Variants in ZYG11B observed in about 807,000 individuals in gnomAD.
The protein encoded by ZYG11B is zyg-11 family member B, cell cycle regulator.
ZYG11B carries 36 observed loss-of-function variants against 82.4 expected under a neutral mutation model. That is an observed-to-expected ratio of 0.44 (90% CI 0.33 to 0.58). The LOEUF (loss-of-function observed/expected upper bound fraction) is 0.58, where lower values mean the gene tolerates loss of function less well. ZYG11B is among the 20% of genes least tolerant of loss of function. ZYG11B has a pLI of 0.02. For synonymous variants in ZYG11B, 303 were observed against 312.8 expected (o/e 0.97, Z 0.33); for missense variants, 552 against 895.6 (o/e 0.62, Z 4.90).
chr1:52,744,282 T>C (rs1035535893), intron 1 of ZYG11B, among the ~76,000 whole-genome samples: 1 of 152,204 alleles, frequency 6.6e-6, no homozygotes, highest in Non-Finnish European at 1.5e-5. Context: ...CTTAACATTT[T>C]GTTACAGTTG....
At chr1:52,772,608 G>A (rs1052998394) in intron 3 of ZYG11B, 44 of 1,255,496 alleles carry the variant, frequency 3.5e-5, no homozygotes, top group Middle Eastern at 1.9e-4. Context: ...GGGTAAAGCC[G>A]ACTGGGACAG....
rs2149971711 is a variant in ZYG11B, at chr1:52,825,299, G to A, written c.*3670G>A. On this transcript the variant is annotated 3_prime_UTR_variant, in exon 14 of 14. Transcript: ENST00000294353. ...ATAAATCAAGTGGTATAAGGGATTA[G>A]TTTACCCTCAAGCCGATGACTCCAT... 1 of 152,156 alleles carries A rather than the reference G, an allele frequency of 6.6e-6. No individual in the cohort carries two copies. The highest frequency in any genetic ancestry group is 2.4e-5 in the African/African-American group (1 of 41,506). 9.4% of individuals were successfully genotyped at this position (152,156 alleles called of 1,614,324 possible). A position where few individuals can be genotyped will look rare whatever the true frequency, so the allele number is the denominator to read the frequency against.
chr1:52,796,984 ATAT>A (rs1199742596), intron 8 of ZYG11B, among the ~76,000 whole-genome samples, 200 bp downstream of exon 8: 3 of 63,488 alleles, frequency 4.7e-5, no homozygotes, highest in Middle Eastern at 5.6e-3. Flanking sequence ...ATAAATATAT[ATAT>A]TTTTTATATA....
chr1:52,770,072 CTATATATA>C (rs781732048), intron 2 of ZYG11B, among the ~76,000 whole-genome samples: 5 of 113,044 alleles, frequency 4.4e-5, no homozygotes, highest in African/African-American at 1.6e-4. Context: ...GCTGTAACTA[CTATATATA>C]TATATATATA....
At chr1:52,774,293 A>G (rs111887384) in intron 3 of ZYG11B, among the ~76,000 whole-genome samples, 11,183 of 144,874 alleles carry the variant, frequency 0.077, 529 homozygotes, top group East Asian at 0.11. Flanking sequence ...AGCATGTGCC[A>G]CCATAACTGG....
At chr1:52,812,338 G>T (rs1325146250) in intron 10 of ZYG11B, among the ~76,000 whole-genome samples, 1 of 152,074 alleles carries the variant, frequency 6.6e-6, no homozygotes, top group Admixed American at 6.6e-5. Context: ...CTTGCATGCA[G>T]TTACTTGCAG....
chr1:52,733,828 A>C (rs1250545004), intron 1 of ZYG11B, among the ~76,000 whole-genome samples: 4 of 152,212 alleles, frequency 2.6e-5, no homozygotes, highest in African/African-American at 4.8e-5. Flanking sequence ...TTAAGTTATA[A>C]CAATGCAATG....
At chr1:52,745,087 C>G (rs1418606690) in intron 1 of ZYG11B, among the ~76,000 whole-genome samples, 1 of 152,150 alleles carries the variant, frequency 6.6e-6, no homozygotes, top group Non-Finnish European at 1.5e-5. Context: ...CACAAGTGCT[C>G]AGAAGGTTGA....
intron 3 of ZYG11B, among the ~76,000 whole-genome samples, chr1:52,776,945 C>T (rs531230238): frequency 2.0e-5 from 3 of 152,136 alleles, no homozygotes. Context: ...AGTGGTGGCT[C>T]ATGCCTGTAA....
chr1:52,772,275 C>T, intron 3 of ZYG11B: 2 of 1,329,866 alleles, frequency 1.5e-6, no homozygotes, highest in Admixed American at 1.7e-5. Flanking sequence ...AATATTGAGC[C>T]AAACGGTGAA....
chr1:52,779,753 G>A (rs1644839640), intron 3 of ZYG11B, 100 bp from the exon 4 acceptor site: 7 of 1,466,088 alleles, frequency 4.8e-6, no homozygotes, highest in Non-Finnish European at 3.7e-6. Context: ...GCCTCCCAAA[G>A]TACTGGGATT....
At chr1:52,726,709 C>A (rs1022342915) in intron 1 of ZYG11B, 26 bp downstream of exon 1, 2 of 1,465,834 alleles carry the variant, frequency 1.4e-6, no homozygotes, top group African/African-American at 2.9e-5. Context: ...CTGCCCTAGC[C>A]GCAGCCGCCC....
chr1:52,743,552 A>G (rs989979712), intron 1 of ZYG11B, among the ~76,000 whole-genome samples: 4 of 152,018 alleles, frequency 2.6e-5, no homozygotes, highest in Non-Finnish European at 4.4e-5. Context: ...TCTTTACCAA[A>G]AATAAAAAAA....
chr1:52,790,197 A>G (rs1644944861), intron 6 of ZYG11B, 130 bp downstream of exon 6: 2 of 564,954 alleles, frequency 3.5e-6, no homozygotes, highest in Non-Finnish European at 2.9e-6. Context: ...GGGTTATTTT[A>G]TAGAATGCTA....
At chr1:52,786,772 C>A (rs1172423117) in intron 5 of ZYG11B, among the ~76,000 whole-genome samples, 1 of 151,768 alleles carries the variant, frequency 6.6e-6, no homozygotes, top group Non-Finnish European at 1.5e-5. Flanking sequence ...CAGAGCAAGA[C>A]CTTGTCTCAA....
At chr1:52,764,290 ATTT>A (rs35314526) in intron 2 of ZYG11B, among the ~76,000 whole-genome samples, 5 of 141,772 alleles carry the variant, frequency 3.5e-5, no homozygotes, top group African/African-American at 5.2e-5. Flanking sequence ...TGCCTGGCTA[ATTT>A]TTTTTTTTTT....
In ZYG11B at chr1:52,796,799, T is replaced by C. The variant is rs1002017731; in HGVS notation, c.1485+15T>C. 2 of 1,496,984 alleles carry C rather than the reference T, an allele frequency of 1.3e-6. No individual in the cohort carries two copies. The highest frequency in any genetic ancestry group is 1.8e-6 in the Non-Finnish European group (2 of 1,123,578). 92.7% of individuals were successfully genotyped at this position (1,496,984 alleles called of 1,614,324 possible). ...TCATTGTCAGGGTAAGTCTATAATC[T>C]CCTCCATTCAGGCCACTAGATATTC... On this transcript the variant is annotated intron_variant, in intron 8 of 13. Transcript: ENST00000294353.
chr1:52,762,485 A>G (rs927592437), intron 2 of ZYG11B, among the ~76,000 whole-genome samples: 2 of 151,746 alleles, frequency 1.3e-5, no homozygotes, highest in African/African-American at 4.8e-5. Flanking sequence ...CTAGAATTAC[A>G]GGCATGAGCC....
At chr1:52,726,813 C>T in intron 1 of ZYG11B, 130 bp downstream of exon 1, 1 of 869,170 alleles carries the variant, frequency 1.2e-6, no homozygotes, top group Non-Finnish European at 1.6e-6. Flanking sequence ...TACCTCTCTC[C>T]CTCGTTACCG....
Sources: gnomAD v4.1 joint callset for allele counts (sites outside exome capture counted in the v4.1 genomes callset) on GRCh38, gnomAD v4.1.1 for gene constraint, MANE v1.5 for transcripts, NCBI Gene and HGNC (gene_info 2026-07-23, HGNC 2026-07-21) for gene names.